SRGAP2B: variants seen among roughly 807,000 people sequenced by gnomAD.
SRGAP2B encodes the protein SLIT-ROBO Rho GTPase-activating protein 2B.
SRGAP2B carries 9 observed loss-of-function variants against 22.2 expected under a neutral mutation model. The ratio of observed to expected loss-of-function variants is 0.41; its 90% CI spans 0.24 to 0.71. The LOEUF (loss-of-function observed/expected upper bound fraction) is 0.71. Among genes scored for constraint, SRGAP2B ranks in the 30% least tolerant of loss-of-function variants. The pLI, the probability that SRGAP2B is intolerant of heterozygous loss-of-function variation, is 0.35. For synonymous variants in SRGAP2B, 36 were observed against 87.4 expected, an observed-to-expected ratio of 0.41 and a Z score of 3.28; for missense variants, 114 against 235.8, an observed-to-expected ratio of 0.48 and a Z score of 3.38.
chr1:145,068,941 GTGTGTGTATGTGTA>G (rs1651829646), intron 2 of SRGAP2B, among the ~76,000 whole-genome samples: 6 of 123,226 alleles, frequency 4.9e-5, no homozygotes, highest in Non-Finnish European at 9.1e-5. Flanking sequence ...GTGTGTGTGT[GTGTGTGTATGTGTA>G]TATATATATC....
chr1:144,964,944 T>C (rs1214346782), intron 3 of SRGAP2B: 1 of 943,286 alleles, frequency 1.1e-6, no homozygotes, highest in Non-Finnish European at 1.7e-6. Flanking sequence ...GAGACGGAGG[T>C]AGAGGGAGGA....
At chr1:145,088,010 G>C (rs1241821305) in intron 2 of SRGAP2B, among the ~76,000 whole-genome samples, 3 of 150,608 alleles carry the variant, frequency 2.0e-5, no homozygotes, top group Non-Finnish European at 4.4e-5. Flanking sequence ...GCAAGGGACA[G>C]GAGCCCTCAA....
At chr1:144,969,747 T>G (rs1553612897) in intron 3 of SRGAP2B, among the ~76,000 whole-genome samples, 1 of 150,816 alleles carries the variant, frequency 6.6e-6, no homozygotes, top group African/African-American at 2.5e-5. Context: ...CCTACTCATC[T>G]GACAAAGGGC....
chr1:145,017,198 G>A (rs1355358899), intron 2 of SRGAP2B, among the ~76,000 whole-genome samples: 1 of 146,782 alleles, frequency 6.8e-6, no homozygotes, highest in Admixed American at 6.8e-5. Flanking sequence ...CCAAAGTGCT[G>A]AGATTACAGG....
intron 5 of SRGAP2B, among the ~76,000 whole-genome samples, chr1:144,909,157 G>GT (rs1663215318): frequency 6.6e-6 from 1 of 150,620 alleles, no homozygotes; most frequent in East Asian, 1.9e-4. Flanking sequence ...TAGGCAAGCA[G>GT]TAACTCATCT....
chr1:144,944,174 G>C (rs1553607972), intron 4 of SRGAP2B, among the ~76,000 whole-genome samples: 1 of 150,450 alleles, frequency 6.6e-6, no homozygotes. Flanking sequence ...AGTACATCTA[G>C]AGTTTCTATG....
At chr1:144,958,053 T>G (rs1667398296) in intron 3 of SRGAP2B, among the ~76,000 whole-genome samples, 1 of 149,760 alleles carries the variant, frequency 6.7e-6, no homozygotes, top group Non-Finnish European at 1.5e-5. Context: ...AGGCATGGTG[T>G]TAGGTGCTTT....
At chr1:144,958,912 C>T (rs2101952051) in intron 3 of SRGAP2B, among the ~76,000 whole-genome samples, 1 of 150,402 alleles carries the variant, frequency 6.6e-6, no homozygotes, top group South Asian at 2.1e-4. Context: ...GACCCAGTTT[C>T]CCTGCATTAG....
intron 2 of SRGAP2B, among the ~76,000 whole-genome samples, chr1:145,006,564 C>T (rs879983886): frequency 1.3e-5 from 2 of 149,992 alleles, no homozygotes; most frequent in East Asian, 1.9e-4. Context: ...CCGTCCTTGA[C>T]AAAACTTATT....
chr1:145,003,087 G>A (rs1671321019), intron 2 of SRGAP2B, among the ~76,000 whole-genome samples: 1 of 149,866 alleles, frequency 6.7e-6, no homozygotes, highest in Admixed American at 6.7e-5. Flanking sequence ...AATTAGCCAG[G>A]CATGGTGGCA....
intron 2 of SRGAP2B, among the ~76,000 whole-genome samples, chr1:145,020,392 A>C (rs1305367759): frequency 1.6e-5 from 2 of 127,056 alleles, no homozygotes; most frequent in African/African-American, 6.6e-5. Context: ...GTGCCACTGC[A>C]CTCCAACCTG....
In SRGAP2B at chr1:144,989,792, TTAAA is replaced by T. The variant is rs1203937629; in HGVS notation, c.260+5212_260+5215del. Among the ~76,000 whole-genome samples the T allele has an allele frequency of 3.2e-4, 45 of 142,772 alleles. 2 individuals are homozygous for T. The South Asian group carries it at 6.0e-3, about 19-fold the overall frequency. The allele number at this position is 142,772 out of a possible 152,430, so 93.7% of individuals were successfully genotyped here. ...TTCCAGGTTCTTGTGCCACCTTGTA[TTAAA>T]TACTTTCCTTCCACAACACTTACCC... On this transcript the variant is annotated intron_variant, in intron 3 of 9. Transcript: ENST00000612199.
chr1:144,956,592 C>T (rs587662819), intron 3 of SRGAP2B, among the ~76,000 whole-genome samples: 1 of 135,804 alleles, frequency 7.4e-6, no homozygotes, highest in Non-Finnish European at 1.6e-5. Flanking sequence ...GGATTATAGG[C>T]ACCTGCCACC....
At chr1:144,931,251 C>T (rs1390018568) in intron 4 of SRGAP2B, among the ~76,000 whole-genome samples, 1 of 150,156 alleles carries the variant, frequency 6.7e-6, no homozygotes, top group Non-Finnish European at 1.5e-5. Context: ...TTAGTACTTA[C>T]AGACGCTAAA....
chr1:144,922,899 T>A (rs1222222098), intron 4 of SRGAP2B, among the ~76,000 whole-genome samples: 5 of 151,148 alleles, frequency 3.3e-5, no homozygotes, highest in African/African-American at 1.2e-4. Flanking sequence ...CAGTAACACT[T>A]GATAACCCAC....
intron 2 of SRGAP2B, among the ~76,000 whole-genome samples, chr1:145,044,736 C>T (rs1175870188): frequency 2.7e-5 from 3 of 110,376 alleles, no homozygotes; most frequent in Admixed American, 1.2e-4. Context: ...GTGAGCTAAG[C>T]AGCTTAGGGT....
chr1:145,031,828 C>T lies in SRGAP2B; in HGVS notation c.68-36628G>A, dbSNP rs1648373458. ...CGCCACTGCACTCCAGCCTGGGCGA[C>T]AGAGCAAGACTCCGTCTCAAAAAAA... On this transcript the variant is annotated intron_variant, in intron 2 of 9. Coordinates refer to ENST00000612199, the Ensembl canonical transcript of SRGAP2B. Among the ~76,000 whole-genome samples, 3 of 122,300 alleles carry T rather than the reference C, an allele frequency of 2.5e-5. No homozygotes were observed. In the South Asian group the frequency reaches 7.6e-4, roughly 31 times the overall value. 80.2% of individuals were successfully genotyped at this position (122,300 alleles called of 152,430 possible).
intron 3 of SRGAP2B, among the ~76,000 whole-genome samples, chr1:144,972,643 C>G (rs1419681369): frequency 7.4e-6 from 1 of 135,844 alleles, no homozygotes; most frequent in Non-Finnish European, 1.6e-5. Context: ...TTCAAATCAG[C>G]ATGTCAGGTA....
At chr1:144,993,398 T>C (rs1417118586) in intron 3 of SRGAP2B, among the ~76,000 whole-genome samples, 4 of 150,582 alleles carry the variant, frequency 2.7e-5, no homozygotes, top group Admixed American at 1.3e-4. Flanking sequence ...AAACTACAAT[T>C]TGATATCAAA....
Sources: allele counts gnomAD v4.1 joint callset (sites outside exome capture counted in the v4.1 genomes callset), GRCh38; gene constraint gnomAD v4.1.1; transcripts MANE v1.5; gene names NCBI Gene and HGNC (gene_info 2026-07-23, HGNC 2026-07-21).